PARP4: variants seen among roughly 807,000 people sequenced by gnomAD.
The protein encoded by PARP4 is poly(ADP-ribose) polymerase family member 4, also known as protein mono-ADP-ribosyltransferase PARP4.
Under a neutral mutation model 187.7 loss-of-function variants are expected in PARP4, and 120 were observed. The ratio of observed to expected loss-of-function variants is 0.64; its 90% CI spans 0.55 to 0.74. The LOEUF (loss-of-function observed/expected upper bound fraction) is 0.74. Among genes scored for constraint, PARP4 ranks in the 30% least tolerant of loss-of-function variants. The pLI is 0.00. For missense variants in PARP4, 1,836 were observed against 2,070.5 expected, an observed-to-expected ratio of 0.89 and a Z score of 2.20; for synonymous variants, 654 against 740.9, an observed-to-expected ratio of 0.88 and a Z score of 1.90.
intron 24 of PARP4, among the ~76,000 whole-genome samples, chr13:24,451,494 GGAGGGGCATCGGGGCCACA>G (rs1022143563): frequency 1.3e-5 from 2 of 151,456 alleles, no homozygotes; most frequent in Admixed American, 1.3e-4. Context: ...TGGGGGCCAT[GGAGGGGCATCGGGGCCACA>G]GAGGGGCATT....
At chr13:24,488,344 G>A (rs1358699497) in intron 10 of PARP4, among the ~76,000 whole-genome samples, 1 of 152,156 alleles carries the variant, frequency 6.6e-6, no homozygotes, top group African/African-American at 2.4e-5. Context: ...ACAAAATCTG[G>A]AGAAGGCCTG....
intron 23 of PARP4, among the ~76,000 whole-genome samples, chr13:24,453,146 G>C (rs1871619515): frequency 6.6e-6 from 1 of 152,110 alleles, no homozygotes; most frequent in Non-Finnish European, 1.5e-5. Context: ...ATGTTGGCCA[G>C]GTTGGTCTCG....
At chr13:24,493,194 T>C (rs1868757742) in intron 8 of PARP4, among the ~76,000 whole-genome samples, 1 of 152,238 alleles carries the variant, frequency 6.6e-6, no homozygotes, top group Non-Finnish European at 1.5e-5. Flanking sequence ...TCTGGAGGCA[T>C]GCCTGCCTTT....
chr13:24,483,957 A>T (rs1486577348), intron 12 of PARP4, among the ~76,000 whole-genome samples: 3 of 152,060 alleles, frequency 2.0e-5, no homozygotes, highest in African/African-American at 7.2e-5. Flanking sequence ...TTAGGTTTCT[A>T]TTTAAGTCTT....
intron 6 of PARP4, among the ~76,000 whole-genome samples, chr13:24,497,656 A>G (rs1194248070): frequency 6.6e-6 from 1 of 152,206 alleles, no homozygotes; most frequent in Non-Finnish European, 1.5e-5. Flanking sequence ...CTGTACCCCT[A>G]CAAAATGCAT....
chr13:24,458,710 A>G (rs535011986), intron 20 of PARP4, among the ~76,000 whole-genome samples: 2 of 152,292 alleles, frequency 1.3e-5, no homozygotes, highest in African/African-American at 4.8e-5. Context: ...GGAGAGGAAA[A>G]GTAGTGAGTT....
intron 30 of PARP4, among the ~76,000 whole-genome samples, chr13:24,439,913 C>T (rs1302097703): frequency 2.0e-5 from 3 of 152,170 alleles, no homozygotes; most frequent in East Asian, 1.9e-4. Flanking sequence ...CCTGGAAGTC[C>T]GGACCAGTGT....
chr13:24,445,770 G>A (rs1261200000), intron 27 of PARP4, among the ~76,000 whole-genome samples: 1 of 152,186 alleles, frequency 6.6e-6, no homozygotes. Flanking sequence ...AGAAAGGGTT[G>A]TGGGAACACT....
Position 24,494,730 on chromosome 13 carries a change from T to G in PARP4, c.592-8A>C. On this transcript the variant is annotated splice_polypyrimidine_tract_variant and splice_region_variant and intron_variant, in intron 6 of 33. Transcript: ENST00000381989. ...AGCAAACTGTCTTCTAGTCTGTGAA[T>G]TATGGTGTATAGCAAAAGTACAGTC... 1 of 1,586,952 alleles carries G rather than the reference T, an allele frequency of 6.3e-7. No individual in the cohort carries two copies. The highest frequency in any genetic ancestry group is 8.6e-7 in the Non-Finnish European group (1 of 1,163,034).
At chr13:24,494,777 A>G (rs1463056674) in intron 6 of PARP4, 55 bp from the exon 7 acceptor site, 1 of 1,278,746 alleles carries the variant, frequency 7.8e-7, no homozygotes, top group African/African-American at 1.5e-5. Context: ...ATCTAGCTTT[A>G]TTGAACATAA....
rs750787550 is a variant in PARP4 at position 24,477,791 on chromosome 13, G to A, written c.1699C>T (p.Pro567Ser). ...TGAAAGTCCTTTATCTGATCTCCAGGCATGGAAAATTTAATAATATATTTC... is the reference window on the plus strand; with the variant it reads ...TGAAAGTCCTTTATCTGATCTCCAGACATGGAAAATTTAATAATATATTTC... ...KMKYIIKFSM[P>S]GDQIKDFHPS... Residue 567 changes from proline (P) to serine (S), a missense_variant, in exon 14 of 34, where the codon CCT becomes TCT. Physicochemically the swap from Pro to Ser is moderately conservative, Grantham distance 74. Coordinates refer to ENST00000381989, the MANE Select transcript of PARP4 (RefSeq NM_006437.4). 16 of 1,567,354 alleles carry A rather than the reference G, an allele frequency of 1.0e-5. No homozygotes were observed. The highest frequency in any genetic ancestry group is 1.3e-5 in the Non-Finnish European group (15 of 1,143,196).
intron 17 of PARP4, among the ~76,000 whole-genome samples, chr13:24,463,894 A>C (rs996867587): frequency 6.6e-6 from 1 of 152,128 alleles, no homozygotes; most frequent in Non-Finnish European, 1.5e-5. Flanking sequence ...ATATCTAGAA[A>C]ACCCCATCAT....
intron 17 of PARP4, among the ~76,000 whole-genome samples, chr13:24,460,644 C>A (rs1450963804): frequency 6.6e-6 from 1 of 152,172 alleles, no homozygotes; most frequent in Non-Finnish European, 1.5e-5. Context: ...TTGGCCCTTG[C>A]TTAATTATTT....
At chr13:24,451,269 C>T (rs1871503291) in intron 24 of PARP4, among the ~76,000 whole-genome samples, 1 of 152,202 alleles carries the variant, frequency 6.6e-6, no homozygotes, top group Non-Finnish European at 1.5e-5. Flanking sequence ...CAGCTGTGAG[C>T]TCAGCAGGTG....
intron 3 of PARP4, 133 bp downstream of exon 3, chr13:24,501,500 C>T: frequency 1.6e-6 from 1 of 640,062 alleles, no homozygotes; most frequent in South Asian, 2.0e-5. Flanking sequence ...ATTTTTCTGT[C>T]CATTTTCTGA....
In PARP4 at chr13:24,456,223, G is replaced by T. The variant is rs952631604; in HGVS notation, c.2562+118C>A. 1.3e-5 allele frequency: 10 copies of T among 740,788 alleles called. No individual in the cohort carries two copies. The African/African-American group carries it at 1.6e-4, about 12-fold the overall frequency. The allele number at this position is 740,788 out of a possible 1,614,324, so 45.9% of individuals were successfully genotyped here. ...TTTTAGTTGCAGAATCTTGAGATGT[G>T]AGAGTTCATTTTGTAATGCTAGTTT... On this transcript the variant is annotated intron_variant, in intron 21 of 33. Coordinates refer to ENST00000381989, the MANE Select transcript of PARP4 (RefSeq NM_006437.4).
At chr13:24,498,431 C>T in intron 5 of PARP4, among the ~76,000 whole-genome samples, 1 of 152,100 alleles carries the variant, frequency 6.6e-6, no homozygotes, top group Admixed American at 6.5e-5. Flanking sequence ...GGTATGTTTC[C>T]CTCCTGTATT....
chr13:24,445,492 C>T (rs952673893), intron 27 of PARP4, among the ~76,000 whole-genome samples: 4 of 152,050 alleles, frequency 2.6e-5, no homozygotes, highest in African/African-American at 7.2e-5. Flanking sequence ...ATGAAACCTG[C>T]ATTAAAAACC....
At chr13:24,423,598 A>T (rs1254779612) in intron 33 of PARP4, among the ~76,000 whole-genome samples, 2 of 151,858 alleles carry the variant, frequency 1.3e-5, no homozygotes, top group Admixed American at 1.3e-4. Flanking sequence ...AAAACAAAAT[A>T]AATTCTCATC....
Sources: allele counts gnomAD v4.1 joint callset (sites outside exome capture counted in the v4.1 genomes callset), GRCh38; gene constraint gnomAD v4.1.1; transcripts MANE v1.5; gene names NCBI Gene and HGNC (gene_info 2026-07-23, HGNC 2026-07-21).